GRM7: variants seen among roughly 807,000 people sequenced by gnomAD.
GRM7 encodes metabotropic glutamate receptor 7.
In GRM7, 35 loss-of-function variants were observed where a neutral mutation model predicts 84.5. The ratio of observed to expected loss-of-function variants is 0.41; its 90% CI spans 0.32 to 0.55. GRM7 has a LOEUF of 0.55. GRM7 is among the 20% of genes least tolerant of loss of function. The pLI is 0.19. For synonymous variants in GRM7, 487 were observed against 455.1 expected (o/e 1.07, Z -0.89); for missense variants, 1,003 against 1,194.6 (o/e 0.84, Z 2.36).
intron 1 of GRM7, among the ~76,000 whole-genome samples, chr3:7,131,880 A>G (rs1362681365): frequency 1.3e-5 from 2 of 152,160 alleles, no homozygotes; most frequent in African/African-American, 4.8e-5. Context: ...TTATTTTATC[A>G]CCTTGCCACA....
At chr3:6,986,356 T>A (rs1444232390) in intron 1 of GRM7, among the ~76,000 whole-genome samples, 1 of 152,136 alleles carries the variant, frequency 6.6e-6, no homozygotes, top group Non-Finnish European at 1.5e-5. Flanking sequence ...ATTAAATATG[T>A]GCAGTGTTTT....
chr3:7,503,816 T>C (rs2124968318), intron 7 of GRM7, among the ~76,000 whole-genome samples: 1 of 152,264 alleles, frequency 6.6e-6, no homozygotes, highest in South Asian at 2.1e-4. Context: ...ACGAGATATA[T>C]AAAGATTTTC....
chr3:7,399,537 A>G (rs1336563379), intron 4 of GRM7, among the ~76,000 whole-genome samples: 2 of 152,142 alleles, frequency 1.3e-5, no homozygotes, highest in South Asian at 2.1e-4. Context: ...TAGTACTGCT[A>G]TGGTTTAGAT....
At chr3:7,462,381 A>T (rs1006976532) in intron 7 of GRM7, among the ~76,000 whole-genome samples, 2 of 152,196 alleles carry the variant, frequency 1.3e-5, no homozygotes, top group Non-Finnish European at 2.9e-5. Flanking sequence ...TTACTCACCC[A>T]CTGATTCAAA....
chr3:7,272,881 C>T (rs1344900195), intron 2 of GRM7, among the ~76,000 whole-genome samples: 6 of 151,694 alleles, frequency 4.0e-5, no homozygotes, highest in Non-Finnish European at 8.8e-5. Flanking sequence ...TTTTTCTCTT[C>T]TATGTACTTT....
intron 1 of GRM7, among the ~76,000 whole-genome samples, chr3:6,927,528 AAAG>A (rs1697356545): frequency 6.6e-6 from 1 of 151,518 alleles, no homozygotes; most frequent in Non-Finnish European, 1.5e-5. Flanking sequence ...AAGAGAAAAG[AAAG>A]AAAGAAATCT....
intron 1 of GRM7, among the ~76,000 whole-genome samples, chr3:6,953,020 G>C (rs1313767137): frequency 6.6e-6 from 1 of 152,184 alleles, no homozygotes; most frequent in African/African-American, 2.4e-5. Context: ...ATATTAGTGA[G>C]GGCAATATGA....
chr3:7,117,803 T>C (rs1693087931), intron 1 of GRM7, among the ~76,000 whole-genome samples: 1 of 152,192 alleles, frequency 6.6e-6, no homozygotes, highest in South Asian at 2.1e-4. Context: ...TTTACACATT[T>C]GTGGTAAAGA....
At chr3:7,689,361 A>G (rs769596876) in intron 9 of GRM7, among the ~76,000 whole-genome samples, 2 of 152,166 alleles carry the variant, frequency 1.3e-5, no homozygotes, top group Non-Finnish European at 2.9e-5. Flanking sequence ...TTAACATTCA[A>G]TGTGTTATCT....
At chr3:7,082,217 G>C (rs764046702) in intron 1 of GRM7, among the ~76,000 whole-genome samples, 14 of 152,120 alleles carry the variant, frequency 9.2e-5, no homozygotes, top group Admixed American at 9.2e-4. Context: ...TGACTCTCTT[G>C]TTAGGAGCTA....
intron 4 of GRM7, among the ~76,000 whole-genome samples, chr3:7,351,853 T>G (rs1693163150): frequency 6.6e-6 from 1 of 151,780 alleles, no homozygotes; most frequent in Admixed American, 6.6e-5. Flanking sequence ...GAGGGCTGAG[T>G]TCCTTGGTTT....
chr3:7,307,642 A>G (rs1700241139), intron 4 of GRM7, among the ~76,000 whole-genome samples: 1 of 152,210 alleles, frequency 6.6e-6, no homozygotes, highest in African/African-American at 2.4e-5. Flanking sequence ...TGAGTCACCC[A>G]TGTTTTCACT....
intron 7 of GRM7, among the ~76,000 whole-genome samples, chr3:7,469,978 T>C (rs1317807399): frequency 6.6e-6 from 1 of 152,166 alleles, no homozygotes; most frequent in Non-Finnish European, 1.5e-5. Flanking sequence ...TTTTGACTTA[T>C]CTTTAAAAGA....
chr3:7,218,529 G>T (rs981212740), intron 2 of GRM7, among the ~76,000 whole-genome samples: 2 of 151,886 alleles, frequency 1.3e-5, no homozygotes, highest in East Asian at 3.8e-4. Context: ...ACATATAAAA[G>T]CTTAAAAGGA....
chr3:7,059,709 T>C (rs1385808625), intron 1 of GRM7, among the ~76,000 whole-genome samples: 1 of 151,664 alleles, frequency 6.6e-6, no homozygotes, highest in Non-Finnish European at 1.5e-5. Context: ...GGTAATTGAG[T>C]CATAAGGGTG....
chr3:7,010,245 G>T (rs774850148), intron 1 of GRM7, among the ~76,000 whole-genome samples: 1 of 152,184 alleles, frequency 6.6e-6, no homozygotes, highest in South Asian at 2.1e-4. Flanking sequence ...GAGCTCTGGA[G>T]TTGGAACCCA....
chr3:7,618,954 G>A (rs139103130), intron 8 of GRM7, among the ~76,000 whole-genome samples: 216 of 152,138 alleles, frequency 1.4e-3, no homozygotes, highest in African/African-American at 4.8e-3. Context: ...CCAGAGGTTC[G>A]GAGATCAAAA....
At chr3:6,952,347 G>T (rs984340540) in intron 1 of GRM7, among the ~76,000 whole-genome samples, 1 of 152,072 alleles carries the variant, frequency 6.6e-6, no homozygotes, top group African/African-American at 2.4e-5. Context: ...TCTAAACCTT[G>T]TTTTTTCTGA....
chr3:7,562,199 C>A (rs539314864), intron 7 of GRM7, among the ~76,000 whole-genome samples: 5 of 152,084 alleles, frequency 3.3e-5, no homozygotes, highest in African/African-American at 1.2e-4. Context: ...AGCTATTCAC[C>A]AGGAGGAAGT....
Sources: gnomAD v4.1 joint callset for allele counts (sites outside exome capture counted in the v4.1 genomes callset) on GRCh38, gnomAD v4.1.1 for gene constraint, MANE v1.5 for transcripts, NCBI Gene and HGNC (gene_info 2026-07-23, HGNC 2026-07-21) for gene names.